The following FSTL5 variants were observed in gnomAD, a reference collection of about 807,000 sequenced individuals.
FSTL5 encodes follistatin-related protein 5.
In FSTL5, 62 loss-of-function variants were observed where a neutral mutation model predicts 89.1. That is an observed-to-expected ratio of 0.70 (90% CI 0.57 to 0.86). The LOEUF (loss-of-function observed/expected upper bound fraction) is 0.86. Among genes scored for constraint, FSTL5 ranks in the 40% least tolerant of loss-of-function variants. The pLI, the probability that FSTL5 is intolerant of heterozygous loss-of-function variation, is 0.00. For synonymous variants in FSTL5, 383 were observed against 346.2 expected, an observed-to-expected ratio of 1.11 and a Z score of -1.18; for missense variants, 1,057 against 1,001.6, an observed-to-expected ratio of 1.06 and a Z score of -0.75.
chr4:161,447,117 T>G (rs1323291218), intron 15 of FSTL5, among the ~76,000 whole-genome samples: 1 of 152,058 alleles, frequency 6.6e-6, no homozygotes, highest in Non-Finnish European at 1.5e-5. Flanking sequence ...TATTTTACTT[T>G]GCATAATAAA....
At chr4:162,126,166 C>G (rs1732073036) in intron 1 of FSTL5, among the ~76,000 whole-genome samples, 1 of 151,912 alleles carries the variant, frequency 6.6e-6, no homozygotes, top group Admixed American at 6.6e-5. Context: ...GCCATTTTTC[C>G]TTGTATTCCA....
chr4:161,602,209 T>C (rs1472127087), intron 7 of FSTL5, among the ~76,000 whole-genome samples: 18 of 139,668 alleles, frequency 1.3e-4, no homozygotes, highest in Non-Finnish European at 2.6e-4. Context: ...TGCGCACGCA[T>C]GCACACACAG....
At chr4:161,716,383 G>T (rs1738981887) in intron 6 of FSTL5, among the ~76,000 whole-genome samples, 1 of 152,068 alleles carries the variant, frequency 6.6e-6, no homozygotes, top group African/African-American at 2.4e-5. Flanking sequence ...GATCACTTGA[G>T]GTCAGGAGTT....
intron 12 of FSTL5, among the ~76,000 whole-genome samples, chr4:161,481,677 T>C (rs1468940514): frequency 1.3e-5 from 2 of 152,158 alleles, no homozygotes; most frequent in African/African-American, 2.4e-5. Context: ...AATAAGATAG[T>C]TATTCACAAT....
At chr4:161,964,149 A>G (rs1030990821) in intron 3 of FSTL5, among the ~76,000 whole-genome samples, 54 of 152,024 alleles carry the variant, frequency 3.6e-4, no homozygotes, top group African/African-American at 1.3e-3. Context: ...CGGATAATAA[A>G]TAAAGACACT....
intron 1 of FSTL5, among the ~76,000 whole-genome samples, chr4:162,148,136 A>G (rs1392322161): frequency 6.6e-6 from 1 of 152,198 alleles, no homozygotes; most frequent in African/African-American, 2.4e-5. Context: ...TTACTATTCA[A>G]TATTTAGTGA....
intron 7 of FSTL5, among the ~76,000 whole-genome samples, chr4:161,616,353 G>C (rs1734867083): frequency 6.6e-6 from 1 of 152,108 alleles, no homozygotes; most frequent in Non-Finnish European, 1.5e-5. Flanking sequence ...CCAAAGTGCT[G>C]AGGAACGTGG....
intron 4 of FSTL5, among the ~76,000 whole-genome samples, chr4:161,779,641 C>T (rs531702066): frequency 6.6e-6 from 1 of 151,016 alleles, no homozygotes; most frequent in East Asian, 2.0e-4. Flanking sequence ...TCCCTTTTAT[C>T]CACTAACTTT....
At chr4:161,551,142 C>A (rs1732197793) in intron 8 of FSTL5, among the ~76,000 whole-genome samples, 2 of 151,368 alleles carry the variant, frequency 1.3e-5, no homozygotes, top group African/African-American at 2.4e-5. Context: ...AGTTCTAGAT[C>A]CCTGAGGAAT....
chr4:161,896,236 T>C (rs1375441579), intron 4 of FSTL5, among the ~76,000 whole-genome samples: 1 of 152,220 alleles, frequency 6.6e-6, no homozygotes, highest in Non-Finnish European at 1.5e-5. Flanking sequence ...TTAATTAATG[T>C]TAAAAATGAT....
At chr4:161,421,906 C>A (rs1732003355) in intron 15 of FSTL5, among the ~76,000 whole-genome samples, 1 of 152,162 alleles carries the variant, frequency 6.6e-6, no homozygotes, top group African/African-American at 2.4e-5. Flanking sequence ...ACTATACCAC[C>A]AACTTCTCTC....
At position 161,597,396 on chromosome 4, in the gene FSTL5, G is replaced by A. The variant is rs192611945; in HGVS notation, c.895-9821C>T. ...TCCCAAGGACAAAAAACCAAACACC[G>A]CATGTTCTCACTCGTAGGTGGGAAC... is the stretch of plus-strand genomic sequence containing the variant. On this transcript the variant is annotated intron_variant, in intron 7 of 15. Transcript: ENST00000306100. Among the ~76,000 whole-genome samples, 17 of 146,056 alleles carry A rather than the reference G, an allele frequency of 1.2e-4. No individual in the cohort carries two copies. The East Asian group carries it at 2.3e-3, about 20-fold the overall frequency.
In FSTL5 at chr4:161,856,629, G is replaced by T. The variant is rs185564797; in HGVS notation, c.409+63775C>A. On this transcript the variant is annotated intron_variant, in intron 4 of 15. Coordinates refer to ENST00000306100, the MANE Select transcript of FSTL5 (RefSeq NM_020116.5). ...AGAAAATGTATTTCTATTTACATCC[G>T]TAACTCATTTATTTGCATACTTGTG... Among the ~76,000 whole-genome samples, 25 of 147,258 alleles carry T rather than the reference G, an allele frequency of 1.7e-4. 1 individual carries two copies. The highest frequency in any genetic ancestry group is 5.6e-4 in the Admixed American group (8 of 14,252).
Position 161,955,332 on chromosome 4 carries a change from TC to T in FSTL5, c.161-34681del, listed in dbSNP as rs1426073558. 2.0e-5 allele frequency among the ~76,000 whole-genome samples: 3 copies of T among 151,684 alleles called. No homozygotes were observed. The East Asian group carries it at 5.8e-4, about 29-fold the overall frequency. ...AGAATAGTACTCTTCCATACCACAT[TC>T]TTTGACCTTAAGGTAACAAAAAAGC... On this transcript the variant is annotated intron_variant, in intron 3 of 15. Transcript: ENST00000306100.
At chr4:161,612,681 C>A (rs1371434391) in intron 7 of FSTL5, among the ~76,000 whole-genome samples, 1 of 152,060 alleles carries the variant, frequency 6.6e-6, no homozygotes, top group South Asian at 2.1e-4. Flanking sequence ...GCCATGTTGA[C>A]GCTATAAAAC....
At chr4:161,611,231 CATATATATATATAT>C (rs70937667) in intron 7 of FSTL5, among the ~76,000 whole-genome samples, 40,327 of 128,508 alleles carry the variant, frequency 0.31, 6,616 homozygotes, top group Middle Eastern at 0.5. Context: ...TATGTGTATA[CATATATATATATAT>C]ATATATATAT....
At chr4:161,937,088 A>C (rs932818434) in intron 3 of FSTL5, among the ~76,000 whole-genome samples, 5 of 152,158 alleles carry the variant, frequency 3.3e-5, no homozygotes, top group African/African-American at 9.7e-5. Flanking sequence ...TAAGACCAAA[A>C]TAAACAAACA....
At chr4:161,467,619 T>C (rs995534695) in intron 13 of FSTL5, among the ~76,000 whole-genome samples, 1 of 152,134 alleles carries the variant, frequency 6.6e-6, no homozygotes, top group African/African-American at 2.4e-5. Context: ...AAAAGATGAA[T>C]GATTTTCAAG....
rs185631197 is a variant in FSTL5 at position 161,550,435 on chromosome 4, C to G, written c.1016-7742G>C. On this transcript the variant is annotated intron_variant, in intron 8 of 15. Transcript: ENST00000306100. ...TGCTTTCCTGGTGACATAAAGCACA[C>G]GTTTAGGCTCTCCTAATGTATTTAG... 2.0e-5 allele frequency among the ~76,000 whole-genome samples: 3 copies of G among 151,914 alleles called. No individual in the cohort carries two copies. The East Asian group carries it at 5.8e-4, about 30-fold the overall frequency.
Sources: allele counts gnomAD v4.1 joint callset (sites outside exome capture counted in the v4.1 genomes callset), GRCh38; gene constraint gnomAD v4.1.1; transcripts MANE v1.5; gene names NCBI Gene and HGNC (gene_info 2026-07-23, HGNC 2026-07-21).